TMEM132B: variants seen among roughly 807,000 people sequenced by gnomAD.
TMEM132B encodes transmembrane protein 132B.
TMEM132B carries 18 observed loss-of-function variants against 90.8 expected under a neutral mutation model. That is an observed-to-expected ratio of 0.20 (90% CI 0.14 to 0.29). The LOEUF (loss-of-function observed/expected upper bound fraction) is 0.29. Ranked by LOEUF, TMEM132B falls within the 10% of genes least tolerant of loss-of-function variation. The probability of loss-of-function intolerance (pLI) is 1.00; values close to 1 mark genes in which losing one functional copy is unlikely to be tolerated. For synonymous variants in TMEM132B, 504 were observed against 523.3 expected (o/e 0.96, Z 0.50); for missense variants, 1,096 against 1,326.8 (o/e 0.83, Z 2.70).
intron 3 of TMEM132B, among the ~76,000 whole-genome samples, chr12:125,470,622 T>G (rs1272767087): frequency 6.6e-6 from 1 of 152,116 alleles, no homozygotes; most frequent in Non-Finnish European, 1.5e-5. Context: ...GTATATCTAG[T>G]GGGTATTCAA....
chr12:125,306,010 T>C (rs186336972), intron 1 of TMEM132B, among the ~76,000 whole-genome samples: 6 of 152,332 alleles, frequency 3.9e-5, no homozygotes, highest in Non-Finnish European at 5.9e-5. Context: ...TAAGTGGAGA[T>C]TCATTTCTTA....
chr12:125,383,945 C>G lies in TMEM132B; in HGVS notation c.960-31586C>G, dbSNP rs117609316. On this transcript the variant is annotated intron_variant, in intron 2 of 8. Transcript: ENST00000682704. ...AAAAGATTAGAAACTCTCTGTATTT[C>G]TTTCTTTCTTTCTTTTTTTTAGATG... is the stretch of plus-strand genomic sequence containing the variant. Among the ~76,000 whole-genome samples the G allele has an allele frequency of 5.9e-3, 904 of 152,184 alleles. 2 individuals carry two copies. Among genetic ancestry groups the G allele is most frequent in the Middle Eastern group, 0.014 (4 of 294 alleles).
intron 3 of TMEM132B, among the ~76,000 whole-genome samples, chr12:125,502,007 T>C (rs1051669490): frequency 6.6e-6 from 1 of 152,216 alleles, no homozygotes; most frequent in Non-Finnish European, 1.5e-5. Context: ...TGCATGAGTG[T>C]GTGTGTGCAC....
chr12:125,201,515 C>T (rs955521757), intron 1 of TMEM132B, among the ~76,000 whole-genome samples: 5 of 152,232 alleles, frequency 3.3e-5, no homozygotes, highest in Admixed American at 1.3e-4. Flanking sequence ...CTCACTGCTT[C>T]GTTATATACT....
chr12:125,399,020 C>A (rs1247930317), intron 2 of TMEM132B, among the ~76,000 whole-genome samples: 2 of 152,154 alleles, frequency 1.3e-5, no homozygotes, highest in Non-Finnish European at 2.9e-5. Context: ...TGGAGGCTGC[C>A]CTCTGTTCCT....
chr12:125,577,280 A>G (rs1884962134), intron 4 of TMEM132B, among the ~76,000 whole-genome samples: 1 of 151,282 alleles, frequency 6.6e-6, no homozygotes, highest in South Asian at 2.1e-4. Flanking sequence ...CATATGCTCT[A>G]GTATTCCTCT....
intron 5 of TMEM132B, among the ~76,000 whole-genome samples, chr12:125,600,197 A>T (rs1885538471): frequency 6.6e-6 from 1 of 152,242 alleles, no homozygotes; most frequent in Non-Finnish European, 1.5e-5. Flanking sequence ...TCTTCTGTCT[A>T]TCCAAGACAC....
At chr12:125,393,409 A>C (rs1255783181) in intron 2 of TMEM132B, among the ~76,000 whole-genome samples, 14 of 152,182 alleles carry the variant, frequency 9.2e-5, no homozygotes. Flanking sequence ...AATATGAGGA[A>C]GGACAAATAG....
chr12:125,434,536 C>T (rs1281647530), intron 3 of TMEM132B, among the ~76,000 whole-genome samples: 1 of 151,822 alleles, frequency 6.6e-6, no homozygotes, highest in South Asian at 2.1e-4. Flanking sequence ...TGGGGGAAGC[C>T]GGGGCCTCCC....
chr12:125,444,622 G>A (rs918771491), intron 3 of TMEM132B, among the ~76,000 whole-genome samples: 6 of 152,156 alleles, frequency 3.9e-5, no homozygotes, highest in African/African-American at 1.2e-4. Flanking sequence ...TACATGCTCT[G>A]GAAAACTGCT....
intron 5 of TMEM132B, among the ~76,000 whole-genome samples, chr12:125,594,801 T>C (rs1331405602): frequency 1.3e-5 from 2 of 152,228 alleles, no homozygotes; most frequent in African/African-American, 4.8e-5. Flanking sequence ...GAAAATACGT[T>C]ATATTTGAAA....
chr12:125,501,117 G>T (rs1354235247), intron 3 of TMEM132B, among the ~76,000 whole-genome samples: 1 of 152,176 alleles, frequency 6.6e-6, no homozygotes, highest in Non-Finnish European at 1.5e-5. Flanking sequence ...TTGTCTTTTG[G>T]TAATTGGATG....
At position 125,365,063 on chromosome 12, in the gene TMEM132B, G is replaced by A. The variant is rs138819454; in HGVS notation, c.959+14720G>A. Among the ~76,000 whole-genome samples, 384 of 151,640 alleles carry A rather than the reference G, an allele frequency of 2.5e-3. 2 individuals are homozygous for A. Among genetic ancestry groups the A allele is most frequent in the African/African-American group, 8.6e-3 (358 of 41,444 alleles). ...TGTAATTACTAATGTTACCAGATTTGGGGTTACCACTTTATTATTTGGTTT... is the reference window on the plus strand; with the variant it reads ...TGTAATTACTAATGTTACCAGATTTAGGGTTACCACTTTATTATTTGGTTT... On this transcript the variant is annotated intron_variant, in intron 2 of 8. Transcript: ENST00000682704.
rs1269696308 is a variant in TMEM132B, at chr12:125,660,718, T to TA, written c.*6009dup. On this transcript the variant is annotated 3_prime_UTR_variant, in exon 9 of 9. Coordinates refer to ENST00000682704, the MANE Select transcript of TMEM132B (RefSeq NM_001366854.1). ...CAAGCAAGCAATAATGTTATCAACTTACAATATTGGACAATCTTCATATTC... is the reference window on the plus strand; with the variant it reads ...CAAGCAAGCAATAATGTTATCAACTTAACAATATTGGACAATCTTCATATTC... The TA allele has an allele frequency of 4.6e-5, 7 of 152,246 alleles. No individual in the cohort carries two copies. Among genetic ancestry groups the TA allele is most frequent in the Admixed American group, 4.6e-4 (7 of 15,286 alleles). The allele number at this position is 152,246 out of a possible 1,614,324, so 9.4% of individuals were successfully genotyped here. A position where few individuals can be genotyped will look rare whatever the true frequency, so the allele number is the denominator to read the frequency against.
intron 5 of TMEM132B, among the ~76,000 whole-genome samples, chr12:125,633,069 G>C (rs531364475): frequency 3.3e-5 from 5 of 152,110 alleles, no homozygotes; most frequent in African/African-American, 7.2e-5. Context: ...TGTGCTACAA[G>C]AAAATAGATT....
chr12:125,614,494 A>G (rs1480512879), intron 5 of TMEM132B, among the ~76,000 whole-genome samples: 1 of 152,048 alleles, frequency 6.6e-6, no homozygotes, highest in African/African-American at 2.4e-5. Context: ...TATATCCCAC[A>G]TTTCTTTATC....
intron 2 of TMEM132B, among the ~76,000 whole-genome samples, chr12:125,405,108 C>T (rs528189622): frequency 1.3e-5 from 2 of 152,296 alleles, no homozygotes; most frequent in South Asian, 2.1e-4. Flanking sequence ...GCCACAAACG[C>T]GATAGTGTAA....
intron 4 of TMEM132B, among the ~76,000 whole-genome samples, chr12:125,547,717 C>T (rs1396625406): frequency 6.6e-6 from 1 of 152,114 alleles, no homozygotes; most frequent in African/African-American, 2.4e-5. Flanking sequence ...CCCCAAAGGG[C>T]CTTCTCCAGG....
intron 4 of TMEM132B, among the ~76,000 whole-genome samples, chr12:125,582,234 A>G (rs1245794684): frequency 6.6e-6 from 1 of 151,394 alleles, no homozygotes; most frequent in Non-Finnish European, 1.5e-5. Context: ...AACACATAGA[A>G]CATTTCCTGT....
Sources: allele counts gnomAD v4.1 joint callset (sites outside exome capture counted in the v4.1 genomes callset), GRCh38; gene constraint gnomAD v4.1.1; transcripts MANE v1.5; gene names NCBI Gene and HGNC (gene_info 2026-07-23, HGNC 2026-07-21).